C2CD4D: variants seen among roughly 807,000 people sequenced by gnomAD.
C2CD4D encodes the protein C2 calcium dependent domain containing 4D, also known as C2 calcium-dependent domain-containing protein 4D.
C2CD4D carries 1 observed loss-of-function variant against 0.2 expected under a neutral mutation model. The ratio of observed to expected loss-of-function variants is 4.00; its 90% CI spans 1.42 to 18.99. C2CD4D has a LOEUF of 18.99. Among genes scored for constraint, C2CD4D ranks in the 30% most tolerant of loss-of-function variants. C2CD4D has a pLI of 0.11. For missense variants in C2CD4D, 552 were observed against 551.2 expected (o/e 1.00, Z -0.01); for synonymous variants, 269 against 279.8 (o/e 0.96, Z 0.39).
chr1:151,838,457 T>C, exon 2 of C2CD4D: 1 of 1,398,194 alleles, frequency 7.2e-7, no homozygotes, highest in Non-Finnish European at 9.3e-7. Context: ...CGGGCTGGTA[T>C]CGGCCGAGCT....
At chr1:151,838,826 G>C in exon 2 of C2CD4D, 1 of 1,456,930 alleles carries the variant, frequency 6.9e-7, no homozygotes, top group East Asian at 3.0e-5. Context: ...CGGGAGCCGA[G>C]GCGGGATGAA....
chr1:151,838,386 A>C (rs2101687692), exon 2 of C2CD4D: 1 of 1,438,854 alleles, frequency 6.9e-7, no homozygotes, highest in African/African-American at 1.5e-5. Flanking sequence ...CGCAGCTGGC[A>C]GCACAGGAAG....
chr1:151,838,421 GGCGGCCCGGCGCGGC>G, exon 2 of C2CD4D: 1 of 1,428,368 alleles, frequency 7.0e-7, no homozygotes. Context: ...CGGCGGCGTG[GGCGGCCCGGCGCGGC>G]GCGGCGAGTG....
At chr1:151,837,912 A>G (rs1652621330) in exon 2 of C2CD4D, 1 of 1,501,342 alleles carries the variant, frequency 6.7e-7, no homozygotes, top group Non-Finnish European at 8.9e-7. Flanking sequence ...CGTCCTGAGG[A>G]AGCCAGGGGC....
exon 2 of C2CD4D, chr1:151,838,920 C>T (rs781312077): frequency 9.0e-6 from 14 of 1,549,850 alleles, no homozygotes; most frequent in Non-Finnish European, 1.1e-5. Flanking sequence ...GAGAACAGGC[C>T]GGAAGGCGCC....
exon 2 of C2CD4D, chr1:151,838,466 C>T: frequency 7.2e-7 from 1 of 1,395,696 alleles, no homozygotes. Context: ...ATCGGCCGAG[C>T]TCGCTTTTTC....
chr1:151,839,084 G>T, exon 2 of C2CD4D: 1 of 1,351,068 alleles, frequency 7.4e-7, no homozygotes. Context: ...GGGGCTGGGC[G>T]AGGAGCGCAG....
At chr1:151,838,086 C>T (rs754082112) in exon 2 of C2CD4D, 3 of 1,551,328 alleles carry the variant, frequency 1.9e-6, no homozygotes, top group East Asian at 2.4e-5. Flanking sequence ...AGGCTGCGGG[C>T]GGCCAGGTCC....
chr1:151,839,622 CCTT>C lies in C2CD4D; in HGVS notation c.-231-405_-231-403del, dbSNP rs1311714984. ...GCCCCACCTGCCTCCTCTGGCTCCT[CCTT>C]CCCCTCCTCGAGTCGCTCCAAGCCA... is the stretch of plus-strand genomic sequence containing the variant. On this transcript the variant is annotated intron_variant, in intron 1 of 1. Coordinates refer to ENST00000454109, the Ensembl canonical transcript of C2CD4D. Among the ~76,000 whole-genome samples, 5 of 152,272 alleles carry C rather than the reference CCTT, an allele frequency of 3.3e-5. No homozygotes were observed. In the East Asian group the frequency reaches 9.7e-4, roughly 30 times the overall value.
At chr1:151,840,286 G>C (rs1347029083) in exon 1 of C2CD4D, 1 of 152,448 alleles carries the variant, frequency 6.6e-6, no homozygotes, top group African/African-American at 2.4e-5. Context: ...CAGGTTTCTA[G>C]CAACAATCCA....
exon 2 of C2CD4D, chr1:151,838,894 C>G: frequency 6.5e-7 from 1 of 1,546,538 alleles, no homozygotes; most frequent in Non-Finnish European, 8.7e-7. Context: ...TGGGCGGGCC[C>G]GGGGCGCGAC....
chr1:151,838,573 G>C, exon 2 of C2CD4D: 1 of 1,317,510 alleles, frequency 7.6e-7, no homozygotes, highest in East Asian at 3.1e-5. Context: ...CCGTGTCGCT[G>C]TCGGGGGCCC....
exon 2 of C2CD4D, chr1:151,838,097 G>C: frequency 1.9e-6 from 3 of 1,551,400 alleles, no homozygotes; most frequent in Non-Finnish European, 1.7e-6. Flanking sequence ...GGCCAGGTCC[G>C]GGGGGCCGAG....
chr1:151,838,486 A>G (rs980496332), exon 2 of C2CD4D: 10 of 1,395,848 alleles, frequency 7.2e-6, no homozygotes, highest in Non-Finnish European at 8.3e-6. Flanking sequence ...CTGGGGACAG[A>G]GAGTGAGGCC....
exon 2 of C2CD4D, chr1:151,838,565 G>A: frequency 2.3e-6 from 3 of 1,317,652 alleles, no homozygotes; most frequent in South Asian, 2.1e-5. Flanking sequence ...CGACGAGGCC[G>A]TGTCGCTGTC....
chr1:151,839,020 C>T (rs1204100046), exon 2 of C2CD4D: 1 of 1,546,528 alleles, frequency 6.5e-7, no homozygotes, highest in Non-Finnish European at 8.7e-7. Flanking sequence ...ATTCCGAATT[C>T]CGCAGGGCCG....
intron 1 of C2CD4D, among the ~76,000 whole-genome samples, 32 bp downstream of exon 1, chr1:151,839,632 C>A (rs776115296): frequency 6.6e-6 from 1 of 152,146 alleles, no homozygotes; most frequent in Non-Finnish European, 1.5e-5. Context: ...CCTTCCCCTC[C>A]TCGAGTCGCT....
At chr1:151,838,470 C>T (rs1403319836) in exon 2 of C2CD4D, 1 of 1,396,946 alleles carries the variant, frequency 7.2e-7, no homozygotes, top group Non-Finnish European at 9.3e-7. Flanking sequence ...GCCGAGCTCG[C>T]TTTTTCTGGG....
Position 151,838,488 on chromosome 1 carries a change from AG to A in C2CD4D, c.501del (p.Ser168LeufsTer71). Reference sequence around the variant, plus strand: ...GAGCTCGCTTTTTCTGGGGACAGAGAGTGAGGCCTGGACACCCGGCGCCGGC... The same window carrying A: ...GAGCTCGCTTTTTCTGGGGACAGAGATGAGGCCTGGACACCCGGCGCCGGC... On this transcript the variant is annotated frameshift_variant, in exon 2 of 2. Coordinates refer to ENST00000454109, the Ensembl canonical transcript of C2CD4D. LOFTEE classifies it low-confidence loss of function (END_TRUNC). 1 of 1,393,602 alleles carries A rather than the reference AG, an allele frequency of 7.2e-7. No homozygotes were observed. Among genetic ancestry groups the A allele is most frequent in the Non-Finnish European group, 9.3e-7 (1 of 1,077,314 alleles). 86.3% of individuals were successfully genotyped at this position (1,393,602 alleles called of 1,614,324 possible).
Sources: gnomAD v4.1 joint callset for allele counts (sites outside exome capture counted in the v4.1 genomes callset) on GRCh38, gnomAD v4.1.1 for gene constraint, MANE v1.5 for transcripts, NCBI Gene and HGNC (gene_info 2026-07-23, HGNC 2026-07-21) for gene names.